The following TP53BP1 variants were observed in gnomAD, a reference collection of about 807,000 sequenced individuals.
TP53BP1 encodes the protein tumor protein p53 binding protein 1.
TP53BP1 carries 61 observed loss-of-function variants against 200.8 expected under a neutral mutation model. The observed-to-expected ratio is 0.30, with a 90% CI of 0.25 to 0.38. The LOEUF (loss-of-function observed/expected upper bound fraction) is 0.38. Ranked by LOEUF, TP53BP1 falls within the 10% of genes least tolerant of loss-of-function variation. The pLI, the probability that TP53BP1 is intolerant of heterozygous loss-of-function variation, is 1.00. For missense variants in TP53BP1, 2,144 were observed against 2,371.9 expected, an observed-to-expected ratio of 0.90 and a Z score of 2.00; for synonymous variants, 822 against 844.3, an observed-to-expected ratio of 0.97 and a Z score of 0.46.
rs778494096 is a variant in TP53BP1, at chr15:43,403,661, G to T, written c.*3722C>A. The T allele has an allele frequency of 1.3e-6, 2 of 1,562,668 alleles. No homozygotes were observed. The highest frequency in any genetic ancestry group is 1.8e-6 in the Non-Finnish European group (2 of 1,135,900). On this transcript the variant is annotated 3_prime_UTR_variant, in exon 28 of 28. Coordinates refer to ENST00000382044, the MANE Select transcript of TP53BP1 (RefSeq NM_001141980.3). The stretch of plus-strand genomic sequence containing the variant: ...GATGTACCTTCCTTCCTTTCCTAAT[G>T]CCAACTCTGTTTCCCGGGTAGGTGT...
upstream of TP53BP1, among the ~76,000 whole-genome samples, chr15:43,495,586 G>A (rs2079178191): frequency 6.6e-6 from 1 of 151,308 alleles, no homozygotes; most frequent in African/African-American, 2.4e-5. Flanking sequence ...GGGAGGCCAA[G>A]TCGGGCAGAT....
chr15:43,457,072 A>G lies in TP53BP1; in HGVS notation c.1536T>C (p.Ser512=). Residue 512 remains serine, a synonymous_variant, in exon 12 of 28, where the codon TCT becomes TCC. Transcript: ENST00000382044. ...PKNSPEDLGL[S]LTGDSCKLML... Reference sequence around the variant, plus strand: ...TCAACTTGCAAGAATCCCCTGTCAAAGATAGCCCAAGATCCTCAGGGGAAT... The same window carrying G: ...TCAACTTGCAAGAATCCCCTGTCAAGGATAGCCCAAGATCCTCAGGGGAAT... 1 of 1,614,200 alleles carries G rather than the reference A, an allele frequency of 6.2e-7. No individual in the cohort carries two copies. The highest frequency in any genetic ancestry group is 8.5e-7 in the Non-Finnish European group (1 of 1,180,030).
rs547475972 is a variant in TP53BP1 at position 43,441,895 on chromosome 15, A to G, written c.3041-312T>C. Among the ~76,000 whole-genome samples, 18 of 152,066 alleles carry G rather than the reference A, an allele frequency of 1.2e-4. No individual in the cohort carries two copies. In the South Asian group the frequency reaches 2.5e-3, roughly 21 times the overall value. ...CTCCCGAGTAGCTGGGACTACAGGC[A>G]TGCGCCACCACGTCCAGCTAATTTT... On this transcript the variant is annotated intron_variant, in intron 14 of 27. Coordinates refer to ENST00000382044, the MANE Select transcript of TP53BP1 (RefSeq NM_001141980.3).
Position 43,406,525 on chromosome 15 carries a change from C to T in TP53BP1, c.*858G>A. On this transcript the variant is annotated 3_prime_UTR_variant, in exon 28 of 28. Transcript: ENST00000382044. ...TTGTCTATGGTTGCTTTCATGCCCT[C>T]ACAGCAAAGGCGAGTAGTTGTGATG... 2.2e-6 allele frequency: 1 copy of T among 450,816 alleles called. No homozygotes were observed. The highest frequency in any genetic ancestry group is 4.4e-6 in the Non-Finnish European group (1 of 224,896). 27.9% of individuals were successfully genotyped at this position (450,816 alleles called of 1,614,324 possible).
intron 11 of TP53BP1, among the ~76,000 whole-genome samples, chr15:43,468,869 G>A (rs1352230600): frequency 2.0e-5 from 3 of 152,070 alleles, no homozygotes; most frequent in Admixed American, 6.5e-5. Flanking sequence ...TTTTAATAAC[G>A]CTACCAAATT....
Position 43,456,989 on chromosome 15 carries a change from C to T in TP53BP1, c.1619G>A (p.Arg540Lys), listed in dbSNP as rs1474492407. 1 of 1,614,172 alleles carries T rather than the reference C, an allele frequency of 6.2e-7. No individual in the cohort carries two copies. Among genetic ancestry groups the T allele is most frequent in the Non-Finnish European group, 8.5e-7 (1 of 1,180,040 alleles). The part of the protein sequence containing the change: ...SPKMESLSSH[R>K]IDEDGENTQI... ...TGTGTTTTCTCCATCTTCATCAATT[C>T]TGTGAGAACTCAAGCTCTCCATCTT... Residue 540 changes from arginine to lysine, a missense_variant, in exon 12 of 28, where the codon AGA becomes AAA. Arg to Lys is a conservative substitution (Grantham distance 26). Coordinates refer to ENST00000382044, the MANE Select transcript of TP53BP1 (RefSeq NM_001141980.3).
intron 14 of TP53BP1, among the ~76,000 whole-genome samples, chr15:43,444,205 G>GT (rs1321797942): frequency 6.6e-6 from 1 of 152,212 alleles, no homozygotes; most frequent in Non-Finnish European, 1.5e-5. Flanking sequence ...TTCGCTAGTT[G>GT]TAATTTCAGA....
At chr15:43,454,474 C>T (rs2046247311) in intron 12 of TP53BP1, among the ~76,000 whole-genome samples, 1 of 151,368 alleles carries the variant, frequency 6.6e-6, no homozygotes, top group African/African-American at 2.4e-5. Context: ...AGTGATTCTC[C>T]TGTCTCAGCC....
In TP53BP1 at chr15:43,421,901, C is replaced by G. The variant is rs139105949; in HGVS notation, c.4054G>C (p.Ala1352Pro). The G allele has an allele frequency of 2.5e-6, 4 of 1,614,080 alleles. No homozygotes were observed. Among genetic ancestry groups the G allele is most frequent in the Non-Finnish European group, 3.4e-6 (4 of 1,180,046 alleles). ...LRGKTSGTEPADFALPSSRGG... is the reference protein window; with the variant it reads ...LRGKTSGTEPPDFALPSSRGG... ...CGGGAGCTGGGTAAGGCAAAATCTG[C>G]GGGTTCTGTCCCGCTGGTTTTCCCT... is the stretch of plus-strand genomic sequence containing the variant. Residue 1352 changes from alanine (A) to proline (P), a missense_variant, in exon 19 of 28, where the codon GCA becomes CCA. Physicochemically the swap from Ala to Pro is conservative, Grantham distance 27. Around this residue, in one of 4 missense-constraint regions of TP53BP1, gnomAD observed 1,700 missense variants for 1,710.3 expected, o/e 0.99. Transcript: ENST00000382044.
intron 11 of TP53BP1, among the ~76,000 whole-genome samples, chr15:43,459,986 G>T (rs1315492877): frequency 6.6e-6 from 1 of 152,142 alleles, no homozygotes; most frequent in Non-Finnish European, 1.5e-5. Flanking sequence ...ACCACAAAAG[G>T]TTATAAGGAA....
At chr15:43,471,269 T>C (rs959292860) in intron 10 of TP53BP1, among the ~76,000 whole-genome samples, 1 of 152,138 alleles carries the variant, frequency 6.6e-6, no homozygotes, top group Non-Finnish European at 1.5e-5. Context: ...ATGCCAATTA[T>C]GTAAAACTAC....
rs1439218503 is a variant in TP53BP1 at position 43,456,817 on chromosome 15, G to T, written c.1791C>A (p.Asp597Glu). 3 of 1,613,780 alleles carry T rather than the reference G, an allele frequency of 1.9e-6. No individual in the cohort carries two copies. The highest frequency in any genetic ancestry group is 2.5e-6 in the Non-Finnish European group (3 of 1,180,030). Residue 597 changes from aspartate (D) to glutamate (E), a missense_variant, in exon 12 of 28, where the codon GAC becomes GAA. Physicochemically the swap from Asp to Glu is conservative, Grantham distance 45. Transcript: ENST00000382044. ...CTAAAATACTAATGTCATCCCTGGT[G>T]TCTGTATCATCTCCCTTTGTTTTGT... ...NDDKTKGDDT[D>E]TRDDISILAT...
intron 4 of TP53BP1, among the ~76,000 whole-genome samples, chr15:43,482,572 T>A (rs1037624398): frequency 4.6e-5 from 7 of 151,986 alleles, no homozygotes; most frequent in African/African-American, 1.7e-4. Context: ...ATCGAGACCA[T>A]CCCGGCGAAC....
Position 43,406,835 on chromosome 15 carries a change from T to C in TP53BP1, c.*548A>G. The stretch of plus-strand genomic sequence containing the variant: ...GTCACTGTCCCTTCATGGCAGTTGG[T>C]CCTTTCGTTCTCCCTTTAGCTCTAA... On this transcript the variant is annotated 3_prime_UTR_variant, in exon 28 of 28. Transcript: ENST00000382044. The C allele has an allele frequency of 6.2e-6, 2 of 325,146 alleles. No individual in the cohort carries two copies. Among genetic ancestry groups the C allele is most frequent in the South Asian group, 5.4e-5 (2 of 37,106 alleles). 20.1% of individuals were successfully genotyped at this position (325,146 alleles called of 1,614,324 possible). A position where few individuals can be genotyped will look rare whatever the true frequency, so the allele number is the denominator to read the frequency against.
intron 4 of TP53BP1, among the ~76,000 whole-genome samples, chr15:43,488,539 CTT>C (rs1351274438): frequency 2.6e-5 from 4 of 152,098 alleles, no homozygotes; most frequent in Admixed American, 2.0e-4. Context: ...CTATGTAAAA[CTT>C]AATACACACA....
chr15:43,407,939 G>T lies in TP53BP1; in HGVS notation c.5746+4C>A, dbSNP rs372983329. The T allele has an allele frequency of 2.5e-6, 4 of 1,610,524 alleles. No homozygotes were observed. Among genetic ancestry groups the T allele is most frequent in the Non-Finnish European group, 3.4e-6 (4 of 1,179,562 alleles). On this transcript the variant is annotated splice_donor_region_variant and intron_variant, in intron 27 of 27. Coordinates refer to ENST00000382044, the MANE Select transcript of TP53BP1 (RefSeq NM_001141980.3). Reference sequence around the variant, plus strand: ...AAAGACACTACACACACTCTTTCAGGTACCTTTGTTATGGGCACTTGAATG... The same window carrying T: ...AAAGACACTACACACACTCTTTCAGTTACCTTTGTTATGGGCACTTGAATG...
intron 4 of TP53BP1, among the ~76,000 whole-genome samples, chr15:43,483,513 T>C (rs2079004317): frequency 6.6e-6 from 1 of 152,184 alleles, no homozygotes; most frequent in South Asian, 2.1e-4. Context: ...GGATTACAGA[T>C]GACATCTTTG....
At position 43,455,940 on chromosome 15, in the gene TP53BP1, C is replaced by G; in HGVS notation, c.2668G>C (p.Gly890Arg). Residue 890 changes from glycine (G) to arginine (R), a missense_variant, in exon 12 of 28, where the codon GGG becomes CGG. Gly to Arg is a moderately radical substitution (Grantham distance 125). Around this residue, in one of 4 missense-constraint regions of TP53BP1, gnomAD observed 1,700 missense variants for 1,710.3 expected, o/e 0.99. Coordinates refer to ENST00000382044, the MANE Select transcript of TP53BP1 (RefSeq NM_001141980.3). ...TGTGAGGCATGGGCAGAGGGCTTCC[C>G]CAGCTTCTGGGCCTCTGCATCTGAG... is the stretch of plus-strand genomic sequence containing the variant. ...LSSDAEAQKL[G>R]KPSAHASQSF... 1 of 1,614,158 alleles carries G rather than the reference C, an allele frequency of 6.2e-7. No individual in the cohort carries two copies. The highest frequency in any genetic ancestry group is 1.3e-5 in the African/African-American group (1 of 75,032).
chr15:43,477,478 C>G (rs2078901332), intron 8 of TP53BP1, 115 bp downstream of exon 8: 2 of 1,034,372 alleles, frequency 1.9e-6, no homozygotes, highest in East Asian at 5.3e-5. Flanking sequence ...CCTTCCATAT[C>G]ACAAACAAGT....
Sources: gnomAD v4.1 joint callset for allele counts (sites outside exome capture counted in the v4.1 genomes callset) on GRCh38, gnomAD v4.1.1 for gene constraint, gnomAD v4.1.1 regional missense constraint, MANE v1.5 for transcripts, NCBI Gene and HGNC (gene_info 2026-07-23, HGNC 2026-07-21) for gene names.